Variants in EPHA1 observed in about 807,000 individuals in gnomAD.
EPHA1 encodes the protein EPH receptor A1.
Under a neutral mutation model 110.1 loss-of-function variants are expected in EPHA1, and 92 were observed. The observed-to-expected ratio is 0.84, with a 90% CI of 0.71 to 0.99. The LOEUF (loss-of-function observed/expected upper bound fraction) is 0.99. EPHA1 is among the 50% of genes least tolerant of loss of function. The probability of loss-of-function intolerance (pLI) is 0.00; values close to 1 mark genes in which losing one functional copy is unlikely to be tolerated. For synonymous variants in EPHA1, 500 were observed against 516.1 expected, an observed-to-expected ratio of 0.97 and a Z score of 0.42; for missense variants, 1,204 against 1,285.4, an observed-to-expected ratio of 0.94 and a Z score of 0.97.
At chr7:143,392,915 C>G (rs1403644673) in intron 16 of EPHA1, among the ~76,000 whole-genome samples, 1 of 151,816 alleles carries the variant, frequency 6.6e-6, no homozygotes, top group Non-Finnish European at 1.5e-5. Flanking sequence ...TTACTCCAGC[C>G]TGGGCGACAG....
At position 143,399,926 on chromosome 7, in the gene EPHA1, T is replaced by C. The variant is rs1198043030; in HGVS notation, c.560A>G (p.Asn187Ser). 9.9e-6 allele frequency: 16 copies of C among 1,612,416 alleles called. No individual in the cohort carries two copies. The highest frequency in any genetic ancestry group is 1.1e-5 in the Non-Finnish European group (13 of 1,179,466). ...TRRGLYLAFH[N>S]PGACVALVSV... ...CACCAGGGCCACACAGGCACCCGGG[T>C]TGTGGAAAGCGAGGTAGAGGCCACG... Residue 187 changes from asparagine to serine, a missense_variant, in exon 4 of 18, where the codon AAC becomes AGC. Physicochemically the swap from Asn to Ser is conservative, Grantham distance 46. Transcript: ENST00000275815.
intron 2 of EPHA1, among the ~76,000 whole-genome samples, chr7:143,403,337 C>A (rs1805469411): frequency 6.6e-6 from 1 of 152,170 alleles, no homozygotes; most frequent in African/African-American, 2.4e-5. Flanking sequence ...CGCCACTGCA[C>A]TCCAGCATGG....
rs145160235 is a variant in EPHA1 at position 143,395,331 on chromosome 7, C to T, written c.2071G>A (p.Val691Ile). 1.9e-4 allele frequency: 303 copies of T among 1,614,218 alleles called. No homozygotes were observed. The African/African-American group carries it at 3.1e-3, about 16-fold the overall frequency. ...CCACTCATCGTACGCTTTGTGACGA[C>T]GCCTTCCAGATGCAGAATATGCGGG... ...SHPHILHLEGVVTKRKPIMII... is the reference protein window; with the variant it reads ...SHPHILHLEGIVTKRKPIMII... Residue 691 changes from valine (V) to isoleucine (I), a missense_variant, in exon 12 of 18, where the codon GTC becomes ATC. Physicochemically the swap from Val to Ile is conservative, Grantham distance 29 (BLOSUM62 3). Transcript: ENST00000275815. This position sits in a 1 kb window ranked among gnomAD's most constrained non-coding sequence, Gnocchi z 4.7.
rs747427858 is a variant in EPHA1 at position 143,398,314 on chromosome 7, T to A, written c.1464+7A>T. Reference sequence around the variant, plus strand: ...CACTGAAGACCATCTCTCAGTAGCATCCTGACCTGGTTCAGCACGTGCAGC... The same window carrying A: ...CACTGAAGACCATCTCTCAGTAGCAACCTGACCTGGTTCAGCACGTGCAGC... On this transcript the variant is annotated splice_region_variant and intron_variant, in intron 7 of 17. Transcript: ENST00000275815. 9 of 1,613,970 alleles carry A rather than the reference T, an allele frequency of 5.6e-6. No homozygotes were observed. In the South Asian group the frequency reaches 9.9e-5, roughly 18 times the overall value.
At chr7:143,392,267 AT>A (rs1805109270) in intron 16 of EPHA1, among the ~76,000 whole-genome samples, 1 of 152,152 alleles carries the variant, frequency 6.6e-6, no homozygotes, top group Admixed American at 6.5e-5. Flanking sequence ...CCACAATACA[AT>A]GAGTGTTCCT....
intron 2 of EPHA1, among the ~76,000 whole-genome samples, chr7:143,406,091 T>G (rs537693221): frequency 3.3e-5 from 5 of 152,158 alleles, no homozygotes; most frequent in African/African-American, 1.2e-4. Flanking sequence ...GCCCTCAAAA[T>G]CCCTGAAGTG....
intron 11 of EPHA1, among the ~76,000 whole-genome samples, chr7:143,396,141 A>G (rs1805237866): frequency 6.6e-6 from 1 of 152,248 alleles, no homozygotes; most frequent in South Asian, 2.1e-4. Context: ...CAGAAACTCC[A>G]AAACCACAGA....
chr7:143,394,379 G>A, intron 14 of EPHA1, 36 bp from the exon 15 acceptor site: 1 of 1,586,838 alleles, frequency 6.3e-7, no homozygotes, highest in Middle Eastern at 1.7e-4. Flanking sequence ...GGAAAGTTAT[G>A]GTGTCCACCT....
intron 2 of EPHA1, among the ~76,000 whole-genome samples, chr7:143,406,968 T>C (rs575128556): frequency 5.6e-4 from 86 of 152,312 alleles, no homozygotes; most frequent in African/African-American, 1.9e-3. Flanking sequence ...CTCTGACACT[T>C]TCAAACAGCT....
chr7:143,395,500 C>G lies in EPHA1; in HGVS notation c.1902G>C (p.Glu634Asp). The G allele has an allele frequency of 6.2e-7, 1 of 1,614,054 alleles. No homozygotes were observed. The highest frequency in any genetic ancestry group is 1.3e-5 in the African/African-American group (1 of 75,062). The change falls in exon 12 of 18, where the codon GAG becomes GAC. Residue 634 changes from glutamate (E) to aspartate (D), a missense_variant. Transcript: ENST00000275815. The surrounding 1 kb of genome is among the most constrained non-coding windows in gnomAD (Gnocchi z 4.7). ...GGGTCCCTCGATACACTTCCCCAAACTCTCCTGGGTAGAAAGAAAACAGGC... is the reference window on the plus strand; with the variant it reads ...GGGTCCCTCGATACACTTCCCCAAAGTCTCCTGGGTAGAAAGAAAACAGGC... ...LMVDTVIGEGEFGEVYRGTLR... is the reference protein window; with the variant it reads ...LMVDTVIGEGDFGEVYRGTLR...
In EPHA1 at chr7:143,399,788, G is replaced by C; in HGVS notation, c.698C>G (p.Pro233Arg). 1 of 1,600,696 alleles carries C rather than the reference G, an allele frequency of 6.2e-7. No homozygotes were observed. The highest frequency in any genetic ancestry group is 8.5e-7 in the Non-Finnish European group (1 of 1,173,702). Residue 233 changes from proline (P) to arginine (R), a missense_variant, in exon 4 of 18, where the codon CCC becomes CGC. Pro to Arg is a moderately radical substitution (Grantham distance 103). Coordinates refer to ENST00000275815, the MANE Select transcript of EPHA1 (RefSeq NM_005232.5). ...GLVEVAGTCL[P>R]HARASPRPSG... Reference sequence around the variant, plus strand: ...GGGCCTGGGGCTGGCCCGCGCGTGGGGCAAGCAGGTCCCCGCCACTTCCAC... The same window carrying C: ...GGGCCTGGGGCTGGCCCGCGCGTGGCGCAAGCAGGTCCCCGCCACTTCCAC...
rs780288031 is a variant in EPHA1, at chr7:143,397,352, G to T, written c.1723C>A (p.Arg575=). The change falls in exon 10 of 18, where the codon CGG becomes AGG. Residue 575 remains arginine, a synonymous_variant. Coordinates refer to ENST00000275815, the MANE Select transcript of EPHA1 (RefSeq NM_005232.5). ...ILVFRSRRAQ[R]QRQQRQRDRA... ...TCACGCTGCCTCTGCTGCCTCTGCC[G>T]CTGGGCTCTCCTGTGGGGGTTGGGG... 4.5e-6 allele frequency: 7 copies of T among 1,549,830 alleles called. No homozygotes were observed. Among genetic ancestry groups the T allele is most frequent in the Non-Finnish European group, 2.6e-6 (3 of 1,146,842 alleles).
chr7:143,394,413 T>C lies in EPHA1; in HGVS notation c.2353-70A>G. ...CTGAGCACGAGTCTTTCTGCTTCTT[T>C]TATTGTATTTTTATTTTATTTTTTT... On this transcript the variant is annotated intron_variant, in intron 14 of 17. Transcript: ENST00000275815. 4 of 1,495,938 alleles carry C rather than the reference T, an allele frequency of 2.7e-6. No individual in the cohort carries two copies. The South Asian group carries it at 5.2e-5, about 19-fold the overall frequency. 92.7% of individuals were successfully genotyped at this position (1,495,938 alleles called of 1,614,324 possible). A position where few individuals can be genotyped will look rare whatever the true frequency, so the allele number is the denominator to read the frequency against.
Position 143,395,462 on chromosome 7 carries a change from C to T in EPHA1, c.1940G>A (p.Ser647Asn). ...EVYRGTLRLP[S>N]QDCKTVAIKT... ...AATGGCCACAGTCTTGCAGTCCTGG[C>T]TGGGGAGCCTCAGGGTCCCTCGATA... Residue 647 changes from serine to asparagine, a missense_variant, in exon 12 of 18, where the codon AGC becomes AAC. Physicochemically the swap from Ser to Asn is conservative, Grantham distance 46 (BLOSUM62 1). Transcript: ENST00000275815. The surrounding 1 kb of genome is among the most constrained non-coding windows in gnomAD (Gnocchi z 4.7). 6.2e-7 allele frequency: 1 copy of T among 1,614,216 alleles called. No individual in the cohort carries two copies. The highest frequency in any genetic ancestry group is 1.3e-5 in the African/African-American group (1 of 75,054).
chr7:143,396,384 C>T lies in EPHA1; in HGVS notation c.1897+1G>A. On this transcript the variant is annotated splice_donor_variant, in intron 11 of 17. Transcript: ENST00000275815. LOFTEE classifies it high-confidence loss of function. ...CTGCTGCGGTGCACAGCAGGACTCA[C>T]CTTCTCCTATGACAGTGTCCACCAT... 1 of 1,611,490 alleles carries T rather than the reference C, an allele frequency of 6.2e-7. No individual in the cohort carries two copies. Among genetic ancestry groups the T allele is most frequent in the Non-Finnish European group, 8.5e-7 (1 of 1,179,378 alleles).
Position 143,391,821 on chromosome 7 carries a change from C to T in EPHA1, c.2697-46G>A, listed in dbSNP as rs1428375904. ...AGTCACAGCGGGTACATGGGCTGATCTGGTTGGCCTTGGCCTCTGAGCATC... is the reference window on the plus strand; with the variant it reads ...AGTCACAGCGGGTACATGGGCTGATTTGGTTGGCCTTGGCCTCTGAGCATC... On this transcript the variant is annotated intron_variant, in intron 16 of 17. Transcript: ENST00000275815. 5 of 1,600,890 alleles carry T rather than the reference C, an allele frequency of 3.1e-6. No homozygotes were observed. In the East Asian group the frequency reaches 1.1e-4, roughly 36 times the overall value.
At position 143,397,563 on chromosome 7, in the gene EPHA1, G is replaced by A. The variant is rs760861491; in HGVS notation, c.1710C>T (p.Ser570=). 1 of 1,614,108 alleles carries A rather than the reference G, an allele frequency of 6.2e-7. No individual in the cohort carries two copies. The change falls in exon 9 of 18, where the codon TCC becomes TCT. Residue 570 remains serine (S), a splice_region_variant and synonymous_variant. Coordinates refer to ENST00000275815, the MANE Select transcript of EPHA1 (RefSeq NM_005232.5). ...ALLLGILVFR[S]RRAQRQRQQR... is the part of the protein sequence containing the mutation. ...GGGGAGGGGGCAGGAGCTGGCACCT[G>A]GACCGGAAAACGAGAATCCCAAGCA...
At position 143,395,970 on chromosome 7, in the gene EPHA1, CCAAGGGAA is replaced by C. The variant is rs907853223; in HGVS notation, c.1897+407_1897+414del. 1.3e-5 allele frequency among the ~76,000 whole-genome samples: 2 copies of C among 152,180 alleles called. No homozygotes were observed. Among genetic ancestry groups the C allele is most frequent in the Non-Finnish European group, 2.9e-5 (2 of 68,026 alleles). ...ACTGAGATCCATTTCCTCTGGTGAC[CCAAGGGAA>C]CAGGGCAGCCCAAGGACACTGGGCC... On this transcript the variant is annotated intron_variant, in intron 11 of 17. Coordinates refer to ENST00000275815, the MANE Select transcript of EPHA1 (RefSeq NM_005232.5). The surrounding 1 kb of genome is among the most constrained non-coding windows in gnomAD (Gnocchi z 4.7).
chr7:143,406,072 A>T (rs1352715148), intron 2 of EPHA1, among the ~76,000 whole-genome samples: 1 of 152,026 alleles, frequency 6.6e-6, no homozygotes, highest in Non-Finnish European at 1.5e-5. Context: ...CTGGCAAACA[A>T]CCCCTAAAGC....
Sources: allele counts gnomAD v4.1 joint callset (sites outside exome capture counted in the v4.1 genomes callset), GRCh38; gene constraint gnomAD v4.1.1; non-coding constraint Gnocchi (gnomAD v3.1); transcripts MANE v1.5; gene names NCBI Gene and HGNC (gene_info 2026-07-23, HGNC 2026-07-21).